Variants in RBFOX1 observed in about 807,000 individuals in gnomAD.
RBFOX1 encodes RNA binding fox-1 homolog 1, also known as RNA binding protein fox-1 homolog 1.
In RBFOX1, 8 loss-of-function variants were observed where a neutral mutation model predicts 57.7. That is an observed-to-expected ratio of 0.14 (90% CI 0.08 to 0.25). The LOEUF (loss-of-function observed/expected upper bound fraction) is 0.25, where lower values mean the gene tolerates loss of function less well. Ranked by LOEUF, RBFOX1 falls within the 10% of genes least tolerant of loss-of-function variation. The pLI is 1.00. For synonymous variants in RBFOX1, 326 were observed against 222.4 expected, an observed-to-expected ratio of 1.47 and a Z score of -4.15; for missense variants, 611 against 548.5, an observed-to-expected ratio of 1.11 and a Z score of -1.14.
chr16:7,124,074 C>T (rs947605285), intron 4 of RBFOX1, among the ~76,000 whole-genome samples: 7 of 152,242 alleles, frequency 4.6e-5, no homozygotes, highest in Non-Finnish European at 8.8e-5. Flanking sequence ...TATTACATGA[C>T]CCTCCCAAAT....
intron 3 of RBFOX1, among the ~76,000 whole-genome samples, chr16:6,933,647 A>T (rs1380782923): frequency 6.6e-6 from 1 of 152,218 alleles, no homozygotes; most frequent in East Asian, 1.9e-4. Context: ...TGGGAGGGAG[A>T]GGTTGCAGTG....
chr16:7,035,361 T>A (rs150969825), intron 3 of RBFOX1, among the ~76,000 whole-genome samples: 112 of 152,290 alleles, frequency 7.4e-4, no homozygotes, highest in African/African-American at 2.4e-3. Flanking sequence ...TCCCTGTGAT[T>A]ATCCCTCATG....
At chr16:5,542,836 A>G (rs2045017326) in intron 2 of RBFOX1, among the ~76,000 whole-genome samples, 1 of 152,212 alleles carries the variant, frequency 6.6e-6, no homozygotes, top group Non-Finnish European at 1.5e-5. Flanking sequence ...CCTAAGGTTC[A>G]ATGTCCACTC....
chr16:7,165,961 C>T (rs1567536116), intron 4 of RBFOX1, among the ~76,000 whole-genome samples: 3 of 115,300 alleles, frequency 2.6e-5, no homozygotes, highest in African/African-American at 1.0e-4. Context: ...CACACACACA[C>T]ACACATACAT....
intron 1 of RBFOX1, among the ~76,000 whole-genome samples, chr16:5,327,061 A>C (rs1257153896): frequency 6.6e-6 from 1 of 152,246 alleles, no homozygotes; most frequent in Non-Finnish European, 1.5e-5. Context: ...TGGGAAAAGT[A>C]AAGTAGAACA....
chr16:7,165,490 C>T (rs1601606723), intron 4 of RBFOX1, among the ~76,000 whole-genome samples: 1 of 151,674 alleles, frequency 6.6e-6, no homozygotes, highest in South Asian at 2.1e-4. Context: ...AGTGCAATGG[C>T]ATGATCTCGG....
At chr16:6,901,801 T>G (rs1010778325) in intron 3 of RBFOX1, among the ~76,000 whole-genome samples, 1 of 152,208 alleles carries the variant, frequency 6.6e-6, no homozygotes. Flanking sequence ...GGAAGAGACA[T>G]AATACTTCAC....
intron 3 of RBFOX1, among the ~76,000 whole-genome samples, chr16:6,934,647 A>T (rs1443851365): frequency 6.6e-6 from 1 of 152,212 alleles, no homozygotes; most frequent in Non-Finnish European, 1.5e-5. Flanking sequence ...AAGCACAGAA[A>T]GACAAGTACC....
chr16:5,551,476 G>A (rs13336685), intron 2 of RBFOX1, among the ~76,000 whole-genome samples: 10,248 of 152,196 alleles, frequency 0.067, 978 homozygotes, highest in African/African-American at 0.21. Context: ...CAGCCAGGGA[G>A]TTCCGGCTTC....
intron 1 of RBFOX1, among the ~76,000 whole-genome samples, chr16:6,034,458 G>C (rs2152396649): frequency 6.6e-6 from 1 of 151,686 alleles, no homozygotes; most frequent in South Asian, 2.1e-4. Context: ...AATGTCTAGT[G>C]AGGGATGCCC....
chr16:5,405,236 C>T (rs1021367932), intron 1 of RBFOX1, among the ~76,000 whole-genome samples: 18 of 152,226 alleles, frequency 1.2e-4, no homozygotes, highest in Admixed American at 4.6e-4. Context: ...TGGCTGTGTA[C>T]CCCCACCCCC....
chr16:7,697,794 C>T (rs937372534), intron 14 of RBFOX1, among the ~76,000 whole-genome samples: 2 of 152,196 alleles, frequency 1.3e-5, no homozygotes, highest in Admixed American at 6.5e-5. Flanking sequence ...CCCCAGTATG[C>T]TATCTTGCTC....
chr16:6,645,421 A>G (rs1420452649), intron 2 of RBFOX1, among the ~76,000 whole-genome samples: 1 of 152,080 alleles, frequency 6.6e-6, no homozygotes, highest in African/African-American at 2.4e-5. Flanking sequence ...TTTCTCGGGA[A>G]TCTTTAAGTG....
intron 4 of RBFOX1, among the ~76,000 whole-genome samples, chr16:7,186,833 G>C (rs1278269733): frequency 6.0e-5 from 9 of 150,900 alleles, no homozygotes; most frequent in Admixed American, 6.0e-4. Context: ...TCAGTGTTTT[G>C]AACAATATTC....
chr16:7,669,340 C>A (rs977043338), intron 13 of RBFOX1, among the ~76,000 whole-genome samples: 2 of 151,910 alleles, frequency 1.3e-5, no homozygotes, highest in African/African-American at 2.4e-5. Context: ...CAAAAGATAA[C>A]TATTAATATT....
intron 4 of RBFOX1, among the ~76,000 whole-genome samples, chr16:7,066,766 C>T (rs1478708798): frequency 6.6e-6 from 1 of 152,026 alleles, no homozygotes; most frequent in Admixed American, 6.6e-5. Flanking sequence ...CAGGGTTTTC[C>T]AGGGAGAAAA....
chr16:6,183,190 G>C (rs932904973), intron 1 of RBFOX1, among the ~76,000 whole-genome samples: 4 of 151,934 alleles, frequency 2.6e-5, no homozygotes, highest in African/African-American at 7.3e-5. Context: ...GAATAATAAA[G>C]GTAAGGAGGG....
At chr16:7,536,695 G>A (rs2081557574) in intron 5 of RBFOX1, among the ~76,000 whole-genome samples, 1 of 152,246 alleles carries the variant, frequency 6.6e-6, no homozygotes, top group South Asian at 2.1e-4. Flanking sequence ...AAGATGCAGG[G>A]GCGTGTGGAA....
chr16:6,217,772 T>TG (rs1246873520), intron 1 of RBFOX1, among the ~76,000 whole-genome samples: 5 of 152,142 alleles, frequency 3.3e-5, no homozygotes, highest in African/African-American at 1.2e-4. Flanking sequence ...CCCAGCACTT[T>TG]GGGAGGCTAA....
Sources: gnomAD v4.1 joint callset for allele counts (sites outside exome capture counted in the v4.1 genomes callset) on GRCh38, gnomAD v4.1.1 for gene constraint, MANE v1.5 for transcripts, NCBI Gene and HGNC (gene_info 2026-07-23, HGNC 2026-07-21) for gene names.